Variants in TBC1D19 observed in about 807,000 individuals in gnomAD.
The protein encoded by TBC1D19 is TBC1 domain family member 19, also known as TBC1 domain family, member 19.
TBC1D19 carries 60 observed loss-of-function variants against 89.0 expected under a neutral mutation model. The observed-to-expected ratio is 0.67, with a 90% CI of 0.55 to 0.84. TBC1D19 has a LOEUF of 0.84. Among genes scored for constraint, TBC1D19 ranks in the 40% least tolerant of loss-of-function variants. The probability of loss-of-function intolerance (pLI) is 0.00; values close to 1 mark genes in which losing one functional copy is unlikely to be tolerated. For synonymous variants in TBC1D19, 189 were observed against 199.7 expected, an observed-to-expected ratio of 0.95 and a Z score of 0.45; for missense variants, 500 against 610.8, an observed-to-expected ratio of 0.82 and a Z score of 1.91.
chr4:26,587,466 A>G (rs767775066), intron 1 of TBC1D19, among the ~76,000 whole-genome samples: 10 of 151,770 alleles, frequency 6.6e-5, no homozygotes, highest in Non-Finnish European at 1.3e-4. Flanking sequence ...AGTCCCAGCT[A>G]CTTGAGAGGT....
chr4:26,677,112 C>T (rs1712886327), intron 11 of TBC1D19, among the ~76,000 whole-genome samples: 1 of 152,082 alleles, frequency 6.6e-6, no homozygotes, highest in Admixed American at 6.6e-5. Context: ...ATCAAGGAAC[C>T]GTAGCCAGAA....
intron 18 of TBC1D19, among the ~76,000 whole-genome samples, chr4:26,744,473 C>A (rs976742069): frequency 6.6e-6 from 1 of 151,446 alleles, no homozygotes; most frequent in Non-Finnish European, 1.5e-5. Context: ...GAAGTTAGAT[C>A]ATTGATTTGG....
the TBC1D19 span, among the ~76,000 whole-genome samples, chr4:26,783,583 G>T: frequency 2.6e-5 from 4 of 152,100 alleles, no homozygotes; most frequent in African/African-American, 9.7e-5. Flanking sequence ...AAGATATTTG[G>T]TAGAAATATT....
chr4:26,683,604 T>C, intron 11 of TBC1D19, 71 bp from the exon 12 acceptor site: 1 of 1,218,298 alleles, frequency 8.2e-7, no homozygotes, highest in Non-Finnish European at 1.2e-6. Context: ...AATACTATTA[T>C]TATTTGAGTT....
intron 13 of TBC1D19, among the ~76,000 whole-genome samples, chr4:26,709,663 C>T (rs1413328844): frequency 2.0e-5 from 3 of 151,962 alleles, no homozygotes; most frequent in African/African-American, 4.8e-5. Context: ...ATGCTAGAAG[C>T]TGACATTGAT....
intron 7 of TBC1D19, among the ~76,000 whole-genome samples, chr4:26,658,230 T>C (rs1744993244): frequency 6.6e-6 from 1 of 152,260 alleles, no homozygotes; most frequent in African/African-American, 2.4e-5. Flanking sequence ...GTCTTATGTT[T>C]AAGTCTTTAA....
the TBC1D19 span, among the ~76,000 whole-genome samples, chr4:26,802,474 T>C: frequency 6.6e-6 from 1 of 152,008 alleles, no homozygotes; most frequent in Non-Finnish European, 1.5e-5. Flanking sequence ...TGGTGGCAGG[T>C]GCCTGTAATC....
chr4:26,851,197 T>C, the TBC1D19 span, among the ~76,000 whole-genome samples: 3 of 152,210 alleles, frequency 2.0e-5, no homozygotes, highest in African/African-American at 7.2e-5. Flanking sequence ...CTTTCAGATG[T>C]GGACTGAGCC....
chr4:26,696,203 G>T (rs1189955167), intron 13 of TBC1D19, among the ~76,000 whole-genome samples: 1 of 152,172 alleles, frequency 6.6e-6, no homozygotes, highest in Non-Finnish European at 1.5e-5. Flanking sequence ...GGCAGGGGTT[G>T]CAATCCTAGT....
intron 15 of TBC1D19, among the ~76,000 whole-genome samples, chr4:26,732,252 G>C (rs1717712368): frequency 6.6e-6 from 1 of 152,108 alleles, no homozygotes; most frequent in Non-Finnish European, 1.5e-5. Context: ...AGGTAACCCT[G>C]TTTATGACAA....
At chr4:26,648,308 C>T (rs1169086352) in intron 7 of TBC1D19, among the ~76,000 whole-genome samples, 1 of 152,162 alleles carries the variant, frequency 6.6e-6, no homozygotes, top group Non-Finnish European at 1.5e-5. Flanking sequence ...ATATCAGATG[C>T]AAACCACCAA....
chr4:26,802,234 T>G, the TBC1D19 span, among the ~76,000 whole-genome samples: 1 of 152,124 alleles, frequency 6.6e-6, no homozygotes, highest in Admixed American at 6.5e-5. Flanking sequence ...CTGAAGAAAT[T>G]ATAATAGAAC....
At chr4:26,780,590 G>A in the TBC1D19 span, among the ~76,000 whole-genome samples, 5 of 152,212 alleles carry the variant, frequency 3.3e-5, no homozygotes, top group Non-Finnish European at 7.3e-5. Context: ...CAAGACCAGT[G>A]TCCCAGCTAG....
At chr4:26,811,266 A>G in the TBC1D19 span, among the ~76,000 whole-genome samples, 57 of 152,362 alleles carry the variant, frequency 3.7e-4, no homozygotes, top group African/African-American at 1.3e-3. Context: ...CAGAAAACCA[A>G]ACACTGCATG....
intron 13 of TBC1D19, among the ~76,000 whole-genome samples, chr4:26,715,568 G>T (rs1716540320): frequency 6.6e-6 from 1 of 152,092 alleles, no homozygotes; most frequent in South Asian, 2.1e-4. Flanking sequence ...CTGCAATACA[G>T]TTTAAATGAA....
chr4:26,655,700 C>T (rs915160272), intron 7 of TBC1D19, among the ~76,000 whole-genome samples: 10 of 152,288 alleles, frequency 6.6e-5, no homozygotes, highest in Admixed American at 5.2e-4. Flanking sequence ...CCTGGTGTGC[C>T]GTTTGCTAAG....
chr4:26,750,085 C>T (rs1034933471), intron 19 of TBC1D19, among the ~76,000 whole-genome samples: 3 of 152,184 alleles, frequency 2.0e-5, no homozygotes, highest in Non-Finnish European at 4.4e-5. Flanking sequence ...TGCCTTACCT[C>T]GTGGCCCATT....
chr4:26,583,169 G>A (rs1465635160), upstream of TBC1D19, among the ~76,000 whole-genome samples: 2 of 152,198 alleles, frequency 1.3e-5, no homozygotes, highest in African/African-American at 4.8e-5. Flanking sequence ...ATTTTTGTGA[G>A]GTTATTCTAA....
At chr4:26,596,080 T>C (rs11943587) in intron 1 of TBC1D19, among the ~76,000 whole-genome samples, 148,975 of 152,172 alleles carry the variant, frequency 0.98, 72,994 homozygotes, top group East Asian at 1. Flanking sequence ...CCTCAGCCTC[T>C]AGAGTAGCTG....
Sources: gnomAD v4.1 joint callset for allele counts (sites outside exome capture counted in the v4.1 genomes callset) on GRCh38, gnomAD v4.1.1 for gene constraint, MANE v1.5 for transcripts, NCBI Gene and HGNC (gene_info 2026-07-23, HGNC 2026-07-21) for gene names.